Variants in MNS1 observed in about 807,000 individuals in gnomAD.
MNS1 encodes the protein meiosis specific nuclear structural 1, also known as meiosis-specific nuclear structural protein 1.
In MNS1, 63 loss-of-function variants were observed where a neutral mutation model predicts 72.0. The observed-to-expected ratio is 0.87, with a 90% CI of 0.71 to 1.08. MNS1 has a LOEUF of 1.08. Among genes scored for constraint, MNS1 ranks in the 50% least tolerant of loss-of-function variants. The pLI is 0.00. For missense variants in MNS1, 604 were observed against 562.4 expected, an observed-to-expected ratio of 1.07 and a Z score of -0.75; for synonymous variants, 188 against 172.1, an observed-to-expected ratio of 1.09 and a Z score of -0.72.
rs1352431797 is a variant in MNS1, at chr15:56,428,956, G to C, written c.*145C>G. On this transcript the variant is annotated 3_prime_UTR_variant, in exon 10 of 10. Transcript: ENST00000260453. ...TAAAATTAATTTGTATCTGATAATT[G>C]TTTACAAGTTATGAAATTCAGTGAT... 4 of 566,108 alleles carry C rather than the reference G, an allele frequency of 7.1e-6. No individual in the cohort carries two copies. The highest frequency in any genetic ancestry group is 1.2e-5 in the Non-Finnish European group (4 of 326,206). 35.1% of individuals were successfully genotyped at this position (566,108 alleles called of 1,614,324 possible).
intron 1 of MNS1, among the ~76,000 whole-genome samples, chr15:56,464,720 T>G (rs548770469): frequency 6.6e-6 from 1 of 152,316 alleles, no homozygotes; most frequent in African/African-American, 2.4e-5. Flanking sequence ...TTATATCTAC[T>G]TATTTCTTCA....
At chr15:56,438,030 G>T (rs1187684934) in intron 7 of MNS1, among the ~76,000 whole-genome samples, 1 of 152,064 alleles carries the variant, frequency 6.6e-6, no homozygotes, top group Non-Finnish European at 1.5e-5. Context: ...CGTGAAAATG[G>T]CCATACTGCC....
At chr15:56,449,129 T>C (rs1596265450) in intron 3 of MNS1, among the ~76,000 whole-genome samples, 1 of 152,188 alleles carries the variant, frequency 6.6e-6, no homozygotes, top group African/African-American at 2.4e-5. Context: ...ATTCCTTTAA[T>C]GCCAATCCTA....
chr15:56,455,946 T>C (rs2050979018), intron 3 of MNS1, among the ~76,000 whole-genome samples: 3 of 152,156 alleles, frequency 2.0e-5, no homozygotes, highest in Admixed American at 6.5e-5. Context: ...GAGAAATTAA[T>C]TTTAAAACAA....
At chr15:56,446,329 T>C (rs1749594352) in intron 4 of MNS1, among the ~76,000 whole-genome samples, 1 of 151,988 alleles carries the variant, frequency 6.6e-6, no homozygotes, top group African/African-American at 2.4e-5. Context: ...TCCTAGTGAG[T>C]ATGCCTGAGA....
chr15:56,454,099 C>CTG (rs1555449444), intron 3 of MNS1, among the ~76,000 whole-genome samples: 1 of 152,154 alleles, frequency 6.6e-6, no homozygotes, highest in African/African-American at 2.4e-5. Flanking sequence ...GAGGCATACT[C>CTG]TGTGAAAGAG....
intron 8 of MNS1, among the ~76,000 whole-genome samples, chr15:56,432,375 G>C (rs12908839): frequency 0.31 from 46,419 of 152,010 alleles, 7,960 homozygotes; most frequent in Middle Eastern, 0.49. Flanking sequence ...TTCAGATTTT[G>C]TCTGACCGTA....
chr15:56,439,225 G>A (rs768198238), intron 7 of MNS1, among the ~76,000 whole-genome samples: 3 of 152,182 alleles, frequency 2.0e-5, no homozygotes, highest in South Asian at 2.1e-4. Flanking sequence ...ACACGTACAG[G>A]ATTTGTATGC....
intron 9 of MNS1, chr15:56,429,576 T>G (rs1447049526): frequency 6.4e-6 from 1 of 155,688 alleles, no homozygotes. Context: ...ATGCATGGGA[T>G]TAGTTCTTCA....
intron 7 of MNS1, among the ~76,000 whole-genome samples, chr15:56,437,964 G>T (rs2050756420): frequency 6.6e-6 from 1 of 152,146 alleles, no homozygotes; most frequent in Admixed American, 6.5e-5. Context: ...CGAAATAAAA[G>T]ACGACACAAA....
At chr15:56,443,305 G>C in intron 7 of MNS1, 125 bp downstream of exon 7, 1 of 655,230 alleles carries the variant, frequency 1.5e-6, no homozygotes, top group East Asian at 3.1e-5. Context: ...TTTAACTGTA[G>C]TATACCATTT....
chr15:56,454,945 A>T (rs888883595), intron 3 of MNS1, among the ~76,000 whole-genome samples: 6 of 152,186 alleles, frequency 3.9e-5, no homozygotes, highest in African/African-American at 1.4e-4. Flanking sequence ...TCTTAAGTGT[A>T]CAGCTTGTAG....
chr15:56,434,252 C>A lies in MNS1; in HGVS notation c.1155G>T (p.Glu385Asp). The change falls in exon 8 of 10, where the codon GAG becomes GAT. Residue 385 changes from glutamate to aspartate, a missense_variant. Physicochemically the swap from Glu to Asp is conservative, Grantham distance 45. Transcript: ENST00000260453. ...CATTCATTAATTCTATTCGATCATC[C>A]TCAGCAAATTTAGCTAGCATAGTTT... ...FRKTMLAKFA[E>D]DDRIELMNAQ... 38 of 1,613,884 alleles carry A rather than the reference C, an allele frequency of 2.4e-5. No individual in the cohort carries two copies. The highest frequency in any genetic ancestry group is 3.2e-5 in the Non-Finnish European group (38 of 1,179,886).
At chr15:56,443,056 T>C (rs184850131) in intron 7 of MNS1, among the ~76,000 whole-genome samples, 10 of 152,310 alleles carry the variant, frequency 6.6e-5, no homozygotes, top group Admixed American at 6.5e-4. Flanking sequence ...GAATTTACTG[T>C]ATTATCATGA....
chr15:56,461,974 T>TG (rs2051024791), intron 2 of MNS1, among the ~76,000 whole-genome samples: 1 of 27,416 alleles, frequency 3.6e-5, no homozygotes, highest in African/African-American at 1.1e-4. Context: ...TTTTTGTTGT[T>TG]GTTTTTTTTT....
intron 2 of MNS1, among the ~76,000 whole-genome samples, chr15:56,459,329 A>G (rs2051002116): frequency 6.6e-6 from 1 of 152,162 alleles, no homozygotes; most frequent in Non-Finnish European, 1.5e-5. Flanking sequence ...TCCATTGTAT[A>G]GATGTAACAC....
At chr15:56,433,333 C>G (rs543708555) in intron 8 of MNS1, among the ~76,000 whole-genome samples, 1 of 151,790 alleles carries the variant, frequency 6.6e-6, no homozygotes, top group Non-Finnish European at 1.5e-5. Flanking sequence ...ACCTAGATGA[C>G]GGGTTGATAG....
intron 1 of MNS1, among the ~76,000 whole-genome samples, chr15:56,464,644 A>G (rs1019609571): frequency 2.2e-4 from 33 of 152,044 alleles, no homozygotes; most frequent in African/African-American, 7.5e-4. Context: ...AGCTGGTCAG[A>G]TTTTCCTAAC....
chr15:56,464,137 G>C lies in MNS1; in HGVS notation c.114C>G (p.Ile38Met). The C allele has an allele frequency of 6.2e-7, 1 of 1,613,978 alleles. No individual in the cohort carries two copies. Residue 38 changes from isoleucine to methionine, a missense_variant, in exon 2 of 10, where the codon ATC (isoleucine) becomes ATG (methionine). Physicochemically the swap from Ile to Met is conservative, Grantham distance 10. Transcript: ENST00000260453. ...VQALKNVNSQIRNQMVQNEND... is the reference protein window; with the variant it reads ...VQALKNVNSQMRNQMVQNEND... ...TTTCATTCTGCACCATTTGATTCCT[G>C]ATTTGACTGTTGACGTTTTTTAGAG... is the stretch of plus-strand genomic sequence containing the variant.
Sources: gnomAD v4.1 joint callset for allele counts (sites outside exome capture counted in the v4.1 genomes callset) on GRCh38, gnomAD v4.1.1 for gene constraint, MANE v1.5 for transcripts, NCBI Gene and HGNC (gene_info 2026-07-23, HGNC 2026-07-21) for gene names.